The following RAP1GDS1 variants were observed in gnomAD, a reference collection of about 807,000 sequenced individuals.
RAP1GDS1 encodes the protein RAP1, GTP-GDP dissociation stimulator 1.
In RAP1GDS1, 35 loss-of-function variants were observed where a neutral mutation model predicts 71.1. The observed-to-expected ratio is 0.49, with a 90% CI of 0.38 to 0.65. RAP1GDS1 has a LOEUF of 0.65. Among genes scored for constraint, RAP1GDS1 ranks in the 30% least tolerant of loss-of-function variants. The pLI is 0.00. For missense variants in RAP1GDS1, 663 were observed against 706.1 expected (o/e 0.94, Z 0.69); for synonymous variants, 229 against 243.1 (o/e 0.94, Z 0.54).
intron 4 of RAP1GDS1, among the ~76,000 whole-genome samples, chr4:98,364,912 C>T (rs772036012): frequency 1.3e-4 from 19 of 151,882 alleles, no homozygotes; most frequent in African/African-American, 2.9e-4. Flanking sequence ...ACCTGTAATC[C>T]CAGCTACTCC....
chr4:98,407,242 C>T (rs1394709101), intron 7 of RAP1GDS1, among the ~76,000 whole-genome samples: 1 of 150,936 alleles, frequency 6.6e-6, no homozygotes, highest in Non-Finnish European at 1.5e-5. Flanking sequence ...AATCTTCTCT[C>T]TTTTTTTTTG....
intron 3 of RAP1GDS1, among the ~76,000 whole-genome samples, chr4:98,351,754 T>G (rs935659713): frequency 6.6e-6 from 1 of 151,788 alleles, no homozygotes; most frequent in Non-Finnish European, 1.5e-5. Flanking sequence ...CATGGTGAGT[T>G]AATACATAAA....
At chr4:98,371,267 C>T (rs1448825485) in intron 4 of RAP1GDS1, among the ~76,000 whole-genome samples, 1 of 151,750 alleles carries the variant, frequency 6.6e-6, no homozygotes, top group Non-Finnish European at 1.5e-5. Context: ...CGTGTACCAC[C>T]ATCCCCAGCT....
At chr4:98,412,461 G>C (rs1393224667) in intron 7 of RAP1GDS1, among the ~76,000 whole-genome samples, 1 of 152,184 alleles carries the variant, frequency 6.6e-6, no homozygotes, top group Non-Finnish European at 1.5e-5. Flanking sequence ...GATGCAGTGA[G>C]CTATGATCAT....
intron 10 of RAP1GDS1, among the ~76,000 whole-genome samples, chr4:98,419,613 A>G (rs953585814): frequency 7.9e-5 from 12 of 152,194 alleles, no homozygotes; most frequent in African/African-American, 2.9e-4. Flanking sequence ...ATCCATTTGA[A>G]TTCATTTGGT....
chr4:98,375,382 A>G (rs149664501), intron 4 of RAP1GDS1, among the ~76,000 whole-genome samples: 7 of 152,308 alleles, frequency 4.6e-5, no homozygotes, highest in Admixed American at 2.0e-4. Context: ...GTGTCCAAAT[A>G]AGGTCACATT....
intron 2 of RAP1GDS1, among the ~76,000 whole-genome samples, chr4:98,304,192 A>G (rs1016760337): frequency 6.6e-6 from 1 of 152,216 alleles, no homozygotes; most frequent in Non-Finnish European, 1.5e-5. Flanking sequence ...AATGACTTAT[A>G]TTCCTTTGGG....
At chr4:98,340,466 G>A (rs1015571967) in intron 2 of RAP1GDS1, among the ~76,000 whole-genome samples, 2 of 152,098 alleles carry the variant, frequency 1.3e-5, no homozygotes, top group African/African-American at 4.8e-5. Flanking sequence ...CAGGCATGGT[G>A]GCTCACACCT....
At chr4:98,325,664 T>C (rs1399478731) in intron 2 of RAP1GDS1, among the ~76,000 whole-genome samples, 1 of 149,526 alleles carries the variant, frequency 6.7e-6, no homozygotes, top group Non-Finnish European at 1.5e-5. Flanking sequence ...CAGTAAACTA[T>C]CGCAAGAACA....
chr4:98,306,242 T>A (rs1403849802), intron 2 of RAP1GDS1, among the ~76,000 whole-genome samples: 1 of 152,104 alleles, frequency 6.6e-6, no homozygotes, highest in Non-Finnish European at 1.5e-5. Context: ...TAGTAGAGAT[T>A]TATATTTCTC....
intron 1 of RAP1GDS1, among the ~76,000 whole-genome samples, chr4:98,280,410 T>C (rs1386603192): frequency 6.6e-6 from 1 of 152,222 alleles, no homozygotes; most frequent in East Asian, 1.9e-4. Flanking sequence ...ATGTCTTCTT[T>C]TGAGAAGTGT....
intron 3 of RAP1GDS1, among the ~76,000 whole-genome samples, chr4:98,345,825 G>GT (rs1736165267): frequency 6.6e-6 from 1 of 152,144 alleles, no homozygotes; most frequent in African/African-American, 2.4e-5. Context: ...TTTCTTTTCA[G>GT]TAAATGAGAA....
At chr4:98,352,640 A>G in intron 4 of RAP1GDS1, 39 bp downstream of exon 4, 1 of 1,604,444 alleles carries the variant, frequency 6.2e-7, no homozygotes, top group Non-Finnish European at 8.5e-7. Flanking sequence ...TACATTTTTA[A>G]GAATTATGAT....
At chr4:98,409,094 T>G (rs1746608985) in intron 7 of RAP1GDS1, among the ~76,000 whole-genome samples, 1 of 152,130 alleles carries the variant, frequency 6.6e-6, no homozygotes, top group South Asian at 2.1e-4. Flanking sequence ...TATGATGTGA[T>G]TATGCATATT....
intron 2 of RAP1GDS1, among the ~76,000 whole-genome samples, chr4:98,329,195 T>C (rs547498397): frequency 3.1e-4 from 47 of 152,308 alleles, no homozygotes; most frequent in African/African-American, 1.1e-3. Context: ...AATTTTTGAA[T>C]TGGGGGGGCA....
At chr4:98,427,385 A>G (rs943474072) in intron 12 of RAP1GDS1, among the ~76,000 whole-genome samples, 9 of 152,160 alleles carry the variant, frequency 5.9e-5, no homozygotes, top group Admixed American at 1.3e-4. Flanking sequence ...CAAGAGAAAG[A>G]AATAAAGGTC....
chr4:98,262,405 TG>T (rs1722146017), intron 1 of RAP1GDS1, among the ~76,000 whole-genome samples: 1 of 152,234 alleles, frequency 6.6e-6, no homozygotes, highest in South Asian at 2.1e-4. Context: ...CTGAAGAGAT[TG>T]GTTTGGATGA....
rs74649758 is a variant in RAP1GDS1 at position 98,283,568 on chromosome 4, A to G, written c.5-9840A>G. Among the ~76,000 whole-genome samples, 1,185 of 152,218 alleles carry G rather than the reference A, an allele frequency of 7.8e-3. 15 individuals are homozygous for G. The highest frequency in any genetic ancestry group is 0.027 in the African/African-American group (1,132 of 41,558). On this transcript the variant is annotated intron_variant, in intron 1 of 14. Transcript: ENST00000408927. ...AAAATGAGCGATAAAAAAGGACATA[A>G]TTTAGATTGTCAAGAGAAAACACAG... is the stretch of plus-strand genomic sequence containing the variant.
intron 2 of RAP1GDS1, among the ~76,000 whole-genome samples, chr4:98,302,571 A>C (rs1490538257): frequency 6.6e-6 from 1 of 152,218 alleles, no homozygotes; most frequent in Non-Finnish European, 1.5e-5. Context: ...AAAAGTACAA[A>C]GTTTCTAAAA....
Sources: gnomAD v4.1 joint callset for allele counts (sites outside exome capture counted in the v4.1 genomes callset) on GRCh38, gnomAD v4.1.1 for gene constraint, MANE v1.5 for transcripts, NCBI Gene and HGNC (gene_info 2026-07-23, HGNC 2026-07-21) for gene names.